COL10A1: variants seen among roughly 807,000 people sequenced by gnomAD.
COL10A1 encodes collagen type X alpha 1 chain.
A neutral mutation model predicts 18.2 loss-of-function variants in COL10A1; 10 were observed. That is an observed-to-expected ratio of 0.55 (90% CI 0.34 to 0.93). The LOEUF (loss-of-function observed/expected upper bound fraction) is 0.93, where lower values mean the gene tolerates loss of function less well. COL10A1 is among the 40% of genes least tolerant of loss of function. COL10A1 has a pLI of 0.02. For missense variants in COL10A1, 897 were observed against 853.5 expected (o/e 1.05, Z -0.64); for synonymous variants, 330 against 316.6 (o/e 1.04, Z -0.45).
chr6:116,207,002 C>T, the COL10A1 span, among the ~76,000 whole-genome samples: 1 of 150,998 alleles, frequency 6.6e-6, no homozygotes, highest in African/African-American at 2.5e-5. Context: ...GACATCTTTC[C>T]TTTTAAAAAT....
At chr6:116,191,837 C>T in the COL10A1 span, among the ~76,000 whole-genome samples, 2 of 151,968 alleles carry the variant, frequency 1.3e-5, no homozygotes, top group African/African-American at 4.8e-5. Context: ...CTTAAGGCTG[C>T]CTGGTTCTCA....
chr6:116,149,472 T>G (rs1358842173), intron 1 of COL10A1, among the ~76,000 whole-genome samples: 6 of 152,180 alleles, frequency 3.9e-5, no homozygotes, highest in Non-Finnish European at 7.4e-5. Flanking sequence ...ACTAACCTAT[T>G]CAAAGGCTAC....
At chr6:116,163,141 A>AAATATATATATATATAT (rs761718922), upstream of COL10A1, among the ~76,000 whole-genome samples, 1 of 88,408 alleles carries the variant, frequency 1.1e-5, no homozygotes, top group African/African-American at 5.8e-5. Flanking sequence ...AAAAAAAAAA[A>AAATATATATATATATAT]ATATATATAT....
the COL10A1 span, among the ~76,000 whole-genome samples, chr6:116,183,968 G>C: frequency 6.6e-6 from 1 of 152,026 alleles, no homozygotes; most frequent in Non-Finnish European, 1.5e-5. Context: ...GGGCATCTTT[G>C]TCTTTTTCCA....
At chr6:116,194,020 C>T in the COL10A1 span, among the ~76,000 whole-genome samples, 1 of 151,998 alleles carries the variant, frequency 6.6e-6, no homozygotes, top group Non-Finnish European at 1.5e-5. Context: ...GTACTCCAGC[C>T]TGGGCAACAG....
At chr6:116,183,486 G>C in the COL10A1 span, among the ~76,000 whole-genome samples, 3 of 151,826 alleles carry the variant, frequency 2.0e-5, no homozygotes, top group African/African-American at 7.3e-5. Flanking sequence ...TTTAAATATG[G>C]ATATTTTGTG....
At chr6:116,158,193 A>G (rs1047959965) in intron 1 of COL10A1, among the ~76,000 whole-genome samples, 1 of 152,100 alleles carries the variant, frequency 6.6e-6, no homozygotes, top group Non-Finnish European at 1.5e-5. Flanking sequence ...GTTATCTGTC[A>G]TTGTTGGGAG....
chr6:116,153,156 A>G (rs1780091902), intron 1 of COL10A1, among the ~76,000 whole-genome samples: 2 of 152,000 alleles, frequency 1.3e-5, no homozygotes, highest in African/African-American at 2.4e-5. Context: ...CACACATACT[A>G]CAAATATACA....
the COL10A1 span, among the ~76,000 whole-genome samples, chr6:116,206,387 A>G: frequency 1.3e-5 from 2 of 152,044 alleles, no homozygotes; most frequent in African/African-American, 4.8e-5. Context: ...ATCATTTTAT[A>G]GATAAGCCAA....
chr6:116,162,259 G>T (rs994365152), upstream of COL10A1, among the ~76,000 whole-genome samples: 5 of 152,134 alleles, frequency 3.3e-5, no homozygotes, highest in Non-Finnish European at 5.9e-5. Context: ...CGATTTGGAT[G>T]CCTTTAATTT....
the COL10A1 span, among the ~76,000 whole-genome samples, chr6:116,193,770 A>G: frequency 2.8e-5 from 1 of 35,488 alleles, no homozygotes; most frequent in Non-Finnish European, 5.7e-5. Context: ...TACTGTTAAA[A>G]ATAAAAAAAG....
the COL10A1 span, among the ~76,000 whole-genome samples, chr6:116,180,814 A>C: frequency 6.6e-6 from 1 of 152,082 alleles, no homozygotes; most frequent in Non-Finnish European, 1.5e-5. Flanking sequence ...GGAGAACTGT[A>C]GGTTAGAGGA....
the COL10A1 span, among the ~76,000 whole-genome samples, chr6:116,196,977 T>G: frequency 1.3e-5 from 2 of 151,554 alleles, no homozygotes; most frequent in Non-Finnish European, 2.9e-5. Context: ...TCTGACCAGC[T>G]CTTTTTCCTT....
At chr6:116,194,893 G>C in the COL10A1 span, among the ~76,000 whole-genome samples, 1 of 151,926 alleles carries the variant, frequency 6.6e-6, no homozygotes, top group Non-Finnish European at 1.5e-5. Context: ...TTTGATACAA[G>C]CATATTTTTC....
chr6:116,184,246 A>C, the COL10A1 span, among the ~76,000 whole-genome samples: 1 of 152,096 alleles, frequency 6.6e-6, no homozygotes, highest in Non-Finnish European at 1.5e-5. Flanking sequence ...CCCTCATATG[A>C]AACCCACTTG....
At chr6:116,216,147 C>T in the COL10A1 span, among the ~76,000 whole-genome samples, 1 of 151,952 alleles carries the variant, frequency 6.6e-6, no homozygotes, top group Non-Finnish European at 1.5e-5. Context: ...ACCACAATGA[C>T]ATTTAAGATA....
At chr6:116,203,518 A>G in the COL10A1 span, among the ~76,000 whole-genome samples, 1,603 of 151,978 alleles carry the variant, frequency 0.011, 33 homozygotes, top group African/African-American at 0.037. Flanking sequence ...ATGCTCCTAT[A>G]ATGTCTCCCT....
the COL10A1 span, among the ~76,000 whole-genome samples, chr6:116,211,979 TAAG>T: frequency 6.6e-6 from 1 of 152,082 alleles, no homozygotes. Flanking sequence ...GATTTTAGGA[TAAG>T]AACCCAGGCT....
Position 116,120,576 on chromosome 6 carries a change from CTGGAGG to C in COL10A1, c.1534_1539del (p.Pro512_Pro513del). 4.4e-6 allele frequency: 7 copies of C among 1,601,590 alleles called. No homozygotes were observed. The highest frequency in any genetic ancestry group is 4.3e-6 in the Non-Finnish European group (5 of 1,174,828). On this transcript the variant is annotated inframe_deletion, in exon 3 of 3. Coordinates refer to ENST00000651968, the MANE Select transcript of COL10A1 (RefSeq NM_000493.4). Reference sequence around the variant, plus strand: ...GGCATGACTGCTTGACCTGGTGGGCCTGGAGGCCCAGGGGGCCCTGGAAGACCAGGC... The same window carrying C: ...GGCATGACTGCTTGACCTGGTGGGCCCCCAGGGGGCCCTGGAAGACCAGGC...
Sources: allele counts gnomAD v4.1 joint callset (sites outside exome capture counted in the v4.1 genomes callset), GRCh38; gene constraint gnomAD v4.1.1; transcripts MANE v1.5; gene names NCBI Gene and HGNC (gene_info 2026-07-23, HGNC 2026-07-21).